The following SCN1A variants were observed in gnomAD, a reference collection of about 807,000 sequenced individuals.
SCN1A encodes the protein sodium voltage-gated channel alpha subunit 1.
A neutral mutation model predicts 193.7 loss-of-function variants in SCN1A; 13 were observed. The ratio of observed to expected loss-of-function variants is 0.07; its 90% confidence interval spans 0.04 to 0.11. The LOEUF is 0.11. Ranked by LOEUF, SCN1A falls within the 10% of genes least tolerant of loss-of-function variation. The probability of loss-of-function intolerance (pLI) is 1.00; values close to 1 mark genes in which losing one functional copy is unlikely to be tolerated. For synonymous variants in SCN1A, 781 were observed against 843.6 expected, an observed-to-expected ratio of 0.93 and a Z score of 1.29; for missense variants, 1,432 against 2,451.1, an observed-to-expected ratio of 0.58 and a Z score of 8.78.
intron 2 of SCN1A, among the ~76,000 whole-genome samples, chr2:166,101,510 T>A (rs1688074525): frequency 1.4e-5 from 2 of 143,682 alleles, no homozygotes; most frequent in Non-Finnish European, 1.5e-5. Context: ...AAAGTATAAT[T>A]AAAAAAAAAA....
At chr2:166,099,186 G>A (rs979853677) in intron 2 of SCN1A, among the ~76,000 whole-genome samples, 4 of 152,038 alleles carry the variant, frequency 2.6e-5, no homozygotes, top group Non-Finnish European at 5.9e-5. Context: ...CTTCATCCCT[G>A]GGATGCAAGG....
chr2:166,071,693 A>G (rs1684437613), intron 4 of SCN1A: 1 of 152,038 alleles, frequency 6.6e-6, no homozygotes, highest in Non-Finnish European at 1.5e-5. Context: ...GATCGAGTCC[A>G]TCCTGGCTAA....
intron 1 of SCN1A, among the ~76,000 whole-genome samples, chr2:166,134,072 T>C (rs1463648659): frequency 6.6e-6 from 1 of 152,110 alleles, no homozygotes; most frequent in African/African-American, 2.4e-5. Flanking sequence ...TAGAATAAAA[T>C]AACTTTGTAA....
At position 166,051,729 on chromosome 2, in the gene SCN1A, A is replaced by C. The variant is rs1461285935; in HGVS notation, c.954T>G (p.Ile318Met). The change falls in exon 9 of 29, where the codon ATT becomes ATG. Residue 318 changes from isoleucine to methionine, a missense_variant. By Grantham distance (10) the Ile-to-Met change is conservative. This residue lies in a region of SCN1A where 52 missense variants were observed against 59.6 expected (regional missense o/e 0.87). Coordinates refer to ENST00000674923, the MANE Select transcript of SCN1A (RefSeq NM_001165963.4). ...AACAATAATTCTTACTTGAATCTTG[A>C]ATATATGACTTCCAGTCAAACTCAA... ...TVFEFDWKSY[I>M]QDSRYHYFLE... The C allele has an allele frequency of 6.3e-7, 1 of 1,599,238 alleles. No individual in the cohort carries two copies. The highest frequency in any genetic ancestry group is 1.1e-5 in the South Asian group (1 of 90,494).
At position 166,093,653 on chromosome 2, in the gene SCN1A, T is replaced by A. The variant is rs375134002; in HGVS notation, c.-141-15852A>T. Among the ~76,000 whole-genome samples the A allele has an allele frequency of 3.3e-5, 5 of 152,298 alleles. No individual in the cohort carries two copies. In the East Asian group the frequency reaches 9.7e-4, roughly 29 times the overall value. On this transcript the variant is annotated intron_variant, in intron 2 of 28. Transcript: ENST00000674923. ...CCACCATGCATGGCCTGAATTCTTA[T>A]AATAAATAAACCATTTTACTTATAC...
chr2:166,086,466 T>C (rs1315869305), intron 2 of SCN1A, among the ~76,000 whole-genome samples: 1 of 152,212 alleles, frequency 6.6e-6, no homozygotes, highest in Non-Finnish European at 1.5e-5. Flanking sequence ...TGAAGCTCAG[T>C]TGAGGATGTG....
chr2:166,042,302 A>G lies in SCN1A; in HGVS notation c.2166T>C (p.Asn722=), dbSNP rs1574208553. ...GAATTTGTTACCAACCTTCTACTGT[A>G]TTTGTTAGAATGCTGGCTATACTCA... The part of the protein sequence containing the change: ...RAMSIASILT[N]TVEELEESRQ... The change falls in exon 15 of 29, where the codon AAT becomes AAC. Residue 722 remains asparagine, a synonymous_variant. Transcript: ENST00000674923. 3.1e-6 allele frequency: 5 copies of G among 1,613,872 alleles called. No individual in the cohort carries two copies. Among genetic ancestry groups the G allele is most frequent in the East Asian group, 4.5e-5 (2 of 44,828 alleles).
At position 165,992,446 on chromosome 2, in the gene SCN1A, C is replaced by A. The variant is rs764892654; in HGVS notation, c.4853-24G>T. The stretch of plus-strand genomic sequence containing the variant: ...ACCTATGAATAAACAATGAGAATAC[C>A]AACCAGTGAAGAAATCATGCGTTAA... On this transcript the variant is annotated intron_variant, in intron 28 of 28. Coordinates refer to ENST00000674923, the MANE Select transcript of SCN1A (RefSeq NM_001165963.4). The surrounding 1 kb of genome is among the most constrained non-coding windows in gnomAD (Gnocchi z 6.5). 9 of 1,611,468 alleles carry A rather than the reference C, an allele frequency of 5.6e-6. No individual in the cohort carries two copies. In the East Asian group the frequency reaches 2.0e-4, roughly 36 times the overall value.
rs188021041 is a variant in SCN1A, at chr2:166,056,476, G to A, written c.408C>T (p.Cys136=). ...VHSLFSMLIM[C]TILTNCVFMT... ...TAAACACACAGTTTGTCAAAATAGT[G>A]CACATAATTAGCATGCTGAATAATG... Residue 136 remains cysteine, a synonymous_variant, in exon 6 of 29, where the codon TGC becomes TGT. Coordinates refer to ENST00000674923, the MANE Select transcript of SCN1A (RefSeq NM_001165963.4). 2 of 1,604,838 alleles carry A rather than the reference G, an allele frequency of 1.2e-6. No homozygotes were observed. The highest frequency in any genetic ancestry group is 8.5e-7 in the Non-Finnish European group (1 of 1,171,794).
rs772520361 is a variant in SCN1A, at chr2:166,036,136, G to T, written c.3341C>A (p.Thr1114Asn). Residue 1114 changes from threonine to asparagine, a missense_variant, in exon 19 of 29, where the codon ACT becomes AAT. Coordinates refer to ENST00000674923, the MANE Select transcript of SCN1A (RefSeq NM_001165963.4). The stretch of plus-strand genomic sequence containing the variant: ...AGATTCTCCTACAGCAATTGGTACA[G>T]TCACAGTAAGACTGGGGTTGTTTAT... ...SFINNPSLTVTVPIAVGESDF... is the reference protein window; with the variant it reads ...SFINNPSLTVNVPIAVGESDF... 6.2e-7 allele frequency: 1 copy of T among 1,613,964 alleles called. No individual in the cohort carries two copies. The highest frequency in any genetic ancestry group is 1.7e-5 in the Admixed American group (1 of 60,014).
At chr2:166,044,215 A>G (rs1266443526) in intron 13 of SCN1A, among the ~76,000 whole-genome samples, 166 bp from the exon 14 acceptor site, 1 of 152,170 alleles carries the variant, frequency 6.6e-6, no homozygotes, top group Admixed American at 6.6e-5. Context: ...ATTAAATTAA[A>G]TTACCTTGAT....
intron 17 of SCN1A, among the ~76,000 whole-genome samples, chr2:166,038,355 C>T (rs1696720639): frequency 6.6e-6 from 1 of 151,720 alleles, no homozygotes; most frequent in South Asian, 2.1e-4. Flanking sequence ...TTTTTCTTTC[C>T]TTTTCTTTTT....
intron 2 of SCN1A, among the ~76,000 whole-genome samples, chr2:166,111,762 A>T (rs751038387): frequency 6.6e-6 from 1 of 152,142 alleles, no homozygotes; most frequent in Non-Finnish European, 1.5e-5. Context: ...AAATATCCAT[A>T]TGAACAGGAG....
At chr2:166,018,862 AT>A (rs1452138146) in intron 19 of SCN1A, among the ~76,000 whole-genome samples, 1 of 152,170 alleles carries the variant, frequency 6.6e-6, no homozygotes, top group Non-Finnish European at 1.5e-5. Context: ...AAGTACCCAT[AT>A]TACATTGGTA....
At chr2:166,116,745 A>G (rs1384803920) in intron 2 of SCN1A, among the ~76,000 whole-genome samples, 1 of 152,158 alleles carries the variant, frequency 6.6e-6, no homozygotes, top group Non-Finnish European at 1.5e-5. Context: ...CTTTATAATG[A>G]GTTCAATGTA....
intron 19 of SCN1A, among the ~76,000 whole-genome samples, chr2:166,021,310 G>A (rs1260781920): frequency 2.0e-5 from 3 of 152,156 alleles, no homozygotes; most frequent in Admixed American, 6.5e-5. Context: ...AGAAGTGTTA[G>A]TGCTTTTTCT....
chr2:166,068,509 G>T (rs770285275), intron 4 of SCN1A, among the ~76,000 whole-genome samples: 34 of 152,152 alleles, frequency 2.2e-4, no homozygotes, highest in Admixed American at 3.3e-4. Flanking sequence ...ACACACTGGG[G>T]ACTGCCCATA....
chr2:166,104,749 T>TA (rs1274870044), intron 2 of SCN1A, among the ~76,000 whole-genome samples: 2 of 151,904 alleles, frequency 1.3e-5, no homozygotes, highest in African/African-American at 2.4e-5. Context: ...CTCAAAAAAA[T>TA]AAAAAAATTA....
intron 23 of SCN1A, among the ~76,000 whole-genome samples, chr2:166,005,076 C>T (rs1691463597): frequency 6.6e-6 from 1 of 151,308 alleles, no homozygotes; most frequent in Non-Finnish European, 1.5e-5. Flanking sequence ...GAGTTGCTCC[C>T]ACTTATCTGG....
Sources: gnomAD v4.1 joint callset for allele counts (sites outside exome capture counted in the v4.1 genomes callset) on GRCh38, gnomAD v4.1.1 for gene constraint, gnomAD v4.1.1 regional missense constraint, Gnocchi (gnomAD v3.1) non-coding constraint, MANE v1.5 for transcripts, NCBI Gene and HGNC (gene_info 2026-07-23, HGNC 2026-07-21) for gene names.